Variants in NRXN3 observed in about 807,000 individuals in gnomAD.
NRXN3 encodes neurexin III.
Under a neutral mutation model 137.6 loss-of-function variants are expected in NRXN3, and 32 were observed. The ratio of observed to expected loss-of-function variants is 0.23; its 90% CI spans 0.18 to 0.31. NRXN3 has a LOEUF of 0.31. Ranked by LOEUF, NRXN3 falls within the 10% of genes least tolerant of loss-of-function variation. The pLI, the probability that NRXN3 is intolerant of heterozygous loss-of-function variation, is 1.00. For synonymous variants in NRXN3, 798 were observed against 784.5 expected (o/e 1.02, Z -0.29); for missense variants, 1,574 against 2,062.5 (o/e 0.76, Z 4.59).
intron 16 of NRXN3, among the ~76,000 whole-genome samples, chr14:79,552,802 T>C (rs1249146658): frequency 6.6e-6 from 1 of 152,136 alleles, no homozygotes; most frequent in Admixed American, 6.5e-5. Context: ...TGTTTTATTA[T>C]ACAGATAAAG....
chr14:79,727,217 G>T (rs1280873446), intron 19 of NRXN3, among the ~76,000 whole-genome samples: 1 of 152,122 alleles, frequency 6.6e-6, no homozygotes, highest in East Asian at 1.9e-4. Flanking sequence ...AGAGTTGAGT[G>T]AAACTACGAT....
At chr14:79,013,703 A>C (rs2099574808) in intron 15 of NRXN3, among the ~76,000 whole-genome samples, 1 of 152,226 alleles carries the variant, frequency 6.6e-6, no homozygotes, top group Non-Finnish European at 1.5e-5. Context: ...GTTAATCACC[A>C]GACCCATGAC....
intron 15 of NRXN3, among the ~76,000 whole-genome samples, chr14:79,337,649 C>T (rs900422292): frequency 7.9e-5 from 12 of 152,242 alleles, no homozygotes; most frequent in Admixed American, 6.5e-4. Context: ...TAAAGTTTTA[C>T]GTAGCCAATC....
intron 1 of NRXN3, among the ~76,000 whole-genome samples, chr14:78,198,016 G>A (rs545613974): frequency 3.9e-5 from 6 of 152,270 alleles, no homozygotes; most frequent in South Asian, 2.1e-4. Context: ...ATATGATTCC[G>A]AAGGGATCTT....
chr14:78,515,443 A>G (rs2096189153), intron 4 of NRXN3, among the ~76,000 whole-genome samples: 2 of 152,272 alleles, frequency 1.3e-5, no homozygotes, highest in South Asian at 4.1e-4. Flanking sequence ...TAGGGAATAG[A>G]CAGCTGACCC....
chr14:79,470,943 AGAGAGAGAGTGTGTGT>A (rs2096495653), intron 16 of NRXN3, among the ~76,000 whole-genome samples: 1 of 89,030 alleles, frequency 1.1e-5, no homozygotes, highest in African/African-American at 4.6e-5. Flanking sequence ...AGAGAGAAAG[AGAGAGAGAGTGTGTGT>A]GTGTGTGTGT....
intron 15 of NRXN3, among the ~76,000 whole-genome samples, chr14:79,382,685 G>T (rs946479022): frequency 2.0e-5 from 3 of 152,058 alleles, no homozygotes; most frequent in African/African-American, 7.2e-5. Flanking sequence ...AAAGAGACTA[G>T]GGAGCCGGAA....
intron 4 of NRXN3, among the ~76,000 whole-genome samples, chr14:78,440,110 G>C (rs1026843746): frequency 6.6e-6 from 1 of 152,256 alleles, no homozygotes; most frequent in Admixed American, 6.5e-5. Context: ...TGCTTTTATT[G>C]TTAAATAATA....
chr14:79,777,555 A>G (rs1294059161), intron 19 of NRXN3, among the ~76,000 whole-genome samples: 1 of 152,124 alleles, frequency 6.6e-6, no homozygotes, highest in Non-Finnish European at 1.5e-5. Flanking sequence ...GAAGTGGAAA[A>G]GTATATCACA....
chr14:79,743,046 G>A (rs2098967995), intron 19 of NRXN3, among the ~76,000 whole-genome samples: 1 of 152,194 alleles, frequency 6.6e-6, no homozygotes, highest in African/African-American at 2.4e-5. Context: ...GCAGGCAGTT[G>A]GAGATATGAG....
chr14:79,808,519 A>C (rs1463659762), intron 20 of NRXN3, among the ~76,000 whole-genome samples: 2 of 152,024 alleles, frequency 1.3e-5, no homozygotes, highest in African/African-American at 4.8e-5. Flanking sequence ...TCCATTTCTA[A>C]AACATTTTTC....
intron 17 of NRXN3, among the ~76,000 whole-genome samples, chr14:79,668,176 A>G (rs2098579077): frequency 6.6e-6 from 1 of 152,088 alleles, no homozygotes; most frequent in African/African-American, 2.4e-5. Flanking sequence ...AAAAAGAGGT[A>G]AAAGTAGCTC....
intron 15 of NRXN3, among the ~76,000 whole-genome samples, chr14:79,222,423 C>T (rs1222229350): frequency 6.6e-6 from 1 of 152,090 alleles, no homozygotes; most frequent in Non-Finnish European, 1.5e-5. Flanking sequence ...ATTCATTCAC[C>T]TGCTGAAGGA....
intron 16 of NRXN3, among the ~76,000 whole-genome samples, chr14:79,504,641 T>TATATATATATATATATATATA (rs1555491923): frequency 1.2e-4 from 12 of 97,876 alleles, no homozygotes; most frequent in South Asian, 3.6e-4. Context: ...ATGAAGTTTT[T>TATATATATATATATATATATA]TATATATATA....
chr14:78,864,837 TG>T (rs1232534492), intron 10 of NRXN3, among the ~76,000 whole-genome samples: 7 of 152,272 alleles, frequency 4.6e-5, no homozygotes, highest in East Asian at 1.9e-4. Context: ...CAAGGCCTAT[TG>T]TTCAGATTCT....
chr14:79,699,529 G>C (rs1016969376), intron 19 of NRXN3, among the ~76,000 whole-genome samples: 2 of 152,000 alleles, frequency 1.3e-5, no homozygotes, highest in Non-Finnish European at 2.9e-5. Context: ...CGGGAACCAA[G>C]CTGTAGTAAT....
At chr14:78,248,999 T>TGA (rs1439028897) in intron 2 of NRXN3, among the ~76,000 whole-genome samples, 1 of 152,132 alleles carries the variant, frequency 6.6e-6, no homozygotes, top group Admixed American at 6.5e-5. Context: ...GATTACCAAG[T>TGA]GAGATTTCCT....
chr14:78,642,598 T>G (rs1236155720), intron 4 of NRXN3, among the ~76,000 whole-genome samples: 1 of 152,242 alleles, frequency 6.6e-6, no homozygotes. Context: ...GCCAAGGACA[T>G]GCACAGTAGT....
intron 4 of NRXN3, among the ~76,000 whole-genome samples, chr14:78,477,088 G>C (rs1018625490): frequency 6.6e-6 from 1 of 151,596 alleles, no homozygotes; most frequent in Non-Finnish European, 1.5e-5. Flanking sequence ...CTCCATCTAG[G>C]GTTCACATAT....
Sources: gnomAD v4.1 joint callset for allele counts (sites outside exome capture counted in the v4.1 genomes callset) on GRCh38, gnomAD v4.1.1 for gene constraint, MANE v1.5 for transcripts, NCBI Gene and HGNC (gene_info 2026-07-23, HGNC 2026-07-21) for gene names.